The following KIF24 variants were observed in gnomAD, a reference collection of about 807,000 sequenced individuals.
KIF24 encodes the protein kinesin family member 24.
Under a neutral mutation model 118.9 loss-of-function variants are expected in KIF24, and 81 were observed. That is an observed-to-expected ratio of 0.68 (90% CI 0.57 to 0.82). KIF24 has a LOEUF of 0.82. Among genes scored for constraint, KIF24 ranks in the 40% least tolerant of loss-of-function variants. KIF24 has a pLI of 0.00. For synonymous variants in KIF24, 599 were observed against 610.0 expected (o/e 0.98, Z 0.27); for missense variants, 1,560 against 1,661.6 (o/e 0.94, Z 1.06).
chr9:34,311,728 G>GTA (rs147847212), intron 1 of KIF24, among the ~76,000 whole-genome samples: 32,703 of 142,804 alleles, frequency 0.23, 4,311 homozygotes, highest in East Asian at 0.61. Context: ...GTATATACAC[G>GTA]TATATATATA....
In KIF24 at chr9:34,286,643, C is replaced by T. The variant is rs1265151647; in HGVS notation, c.1189G>A (p.Val397Met). 3 of 1,612,928 alleles carry T rather than the reference C, an allele frequency of 1.9e-6. No individual in the cohort carries two copies. The highest frequency in any genetic ancestry group is 1.7e-5 in the Admixed American group (1 of 60,012). Reference sequence around the variant, plus strand: ...TCTAAGAGGAGCTCCACACTGTCCACCTGAAGCTCTTGCAGTCCCACTATC... The same window carrying T: ...TCTAAGAGGAGCTCCACACTGTCCATCTGAAGCTCTTGCAGTCCCACTATC... ...VQIVGLQELQ[V>M]DSVELLLEVI... is the part of the protein sequence containing the mutation. Residue 397 changes from valine to methionine, a missense_variant, in exon 6 of 13, where the codon GTG (valine) becomes ATG (methionine). Val to Met is a conservative substitution (Grantham distance 21). Coordinates refer to ENST00000402558, the MANE Select transcript of KIF24 (RefSeq NM_194313.4).
intron 6 of KIF24, among the ~76,000 whole-genome samples, chr9:34,278,440 G>A (rs1835733540): frequency 1.3e-5 from 2 of 151,820 alleles, no homozygotes; most frequent in Non-Finnish European, 2.9e-5. Flanking sequence ...AGATACTAAC[G>A]AACTAACATC....
rs988517476 is a variant in KIF24, at chr9:34,253,631, T to C, written c.*749A>G. ...GAGCTGCCATGGAAGCATGAGAGTATCGGGCATTGTACAGAGGCCTTTCAC... is the reference window on the plus strand; with the variant it reads ...GAGCTGCCATGGAAGCATGAGAGTACCGGGCATTGTACAGAGGCCTTTCAC... On this transcript the variant is annotated 3_prime_UTR_variant, in exon 13 of 13. Transcript: ENST00000402558. 6.6e-6 allele frequency: 1 copy of C among 152,138 alleles called. No homozygotes were observed. The highest frequency in any genetic ancestry group is 1.5e-5 in the Non-Finnish European group (1 of 68,122). The allele number at this position is 152,138 out of a possible 1,614,324, so 9.4% of individuals were successfully genotyped here.
rs776240476 is a variant in KIF24, at chr9:34,257,221, G to A, written c.2386C>T (p.Pro796Ser). The A allele has an allele frequency of 1.2e-6, 2 of 1,614,024 alleles. No homozygotes were observed. The highest frequency in any genetic ancestry group is 1.3e-5 in the African/African-American group (1 of 75,046). ...LKRSLRQYRP[P>S]EGQLTNETPP... ...GTCTCATTCGTGAGCTGACCCTCTG[G>A]GGGCCTGTACTGGCGTAAAGACCTT... The change falls in exon 11 of 13, where the codon CCA (proline) becomes TCA (serine). Residue 796 changes from proline (P) to serine (S), a missense_variant. Around this residue, in one of 3 missense-constraint regions of KIF24, gnomAD observed 964 missense variants for 988.0 expected, o/e 0.98. Coordinates refer to ENST00000402558, the MANE Select transcript of KIF24 (RefSeq NM_194313.4).
chr9:34,269,298 T>C lies in KIF24; in HGVS notation c.1402A>G (p.Thr468Ala), dbSNP rs775184594. Residue 468 changes from threonine to alanine, a missense_variant, in exon 8 of 13, where the codon ACA (threonine) becomes GCA (alanine). Physicochemically the swap from Thr to Ala is moderately conservative, Grantham distance 58. Around this residue, in one of 3 missense-constraint regions of KIF24, gnomAD observed 964 missense variants for 988.0 expected, o/e 0.98. Coordinates refer to ENST00000402558, the MANE Select transcript of KIF24 (RefSeq NM_194313.4). ...TTTATTTCTGCACCTTCCATCTTTG[T>C]CTGTCTATCTGAGTCCCTTGCATCT... ...AADARDSDRQ[T>A]KMEGAEINQS... The C allele has an allele frequency of 5.3e-5, 85 of 1,609,944 alleles. 3 individuals carry two copies. In the Middle Eastern group the frequency reaches 0.011, roughly 203 times the overall value.
At chr9:34,329,291 C>T (rs536261880), upstream of KIF24, among the ~76,000 whole-genome samples, 48 of 152,366 alleles carry the variant, frequency 3.2e-4, no homozygotes, top group African/African-American at 1.1e-3. Flanking sequence ...GCCCGCGCGT[C>T]GCCAGTCCCG....
chr9:34,277,579 G>C (rs1488996912), intron 6 of KIF24, among the ~76,000 whole-genome samples: 1 of 152,138 alleles, frequency 6.6e-6, no homozygotes, highest in East Asian at 1.9e-4. Flanking sequence ...TTTTGAACTT[G>C]GGTTTTCACT....
At chr9:34,322,340 A>T (rs896939629) in intron 1 of KIF24, among the ~76,000 whole-genome samples, 4 of 151,452 alleles carry the variant, frequency 2.6e-5, no homozygotes, top group African/African-American at 7.3e-5. Flanking sequence ...TTTCCCCCCA[A>T]CCCATCTAGC....
intron 3 of KIF24, among the ~76,000 whole-genome samples, chr9:34,305,605 A>G (rs971756497): frequency 2.0e-5 from 3 of 152,042 alleles, no homozygotes; most frequent in Admixed American, 6.6e-5. Flanking sequence ...TTTGTTTTTT[A>G]TTTTTATATT....
chr9:34,282,497 A>T (rs1027775564), intron 6 of KIF24: 5 of 148,568 alleles, frequency 3.4e-5, no homozygotes, highest in Non-Finnish European at 6.1e-5. Context: ...TGAATTGTAT[A>T]CTTAAAAAAA....
Position 34,252,678 on chromosome 9 carries a change from T to A in KIF24, c.*1702A>T, listed in dbSNP as rs1234011977. The A allele has an allele frequency of 6.6e-6, 1 of 152,222 alleles. No individual in the cohort carries two copies. The highest frequency in any genetic ancestry group is 6.5e-5 in the Admixed American group (1 of 15,274). 9.4% of individuals were successfully genotyped at this position (152,222 alleles called of 1,614,324 possible). A position where few individuals can be genotyped will look rare whatever the true frequency, so the allele number is the denominator to read the frequency against. ...GAGCTTTCTTCCCACTTCAGACCTG[T>A]CCTCGTTTTTGGTTTGCAAAGGCAA... is the stretch of plus-strand genomic sequence containing the variant. On this transcript the variant is annotated 3_prime_UTR_variant, in exon 13 of 13. Transcript: ENST00000402558.
Position 34,255,955 on chromosome 9 carries a change from G to T in KIF24, c.3652C>A (p.Gln1218Lys). The T allele has an allele frequency of 1.9e-6, 3 of 1,613,950 alleles. No homozygotes were observed. The highest frequency in any genetic ancestry group is 2.5e-6 in the Non-Finnish European group (3 of 1,179,862). Residue 1218 changes from glutamine (Q) to lysine (K), a missense_variant, in exon 11 of 13, where the codon CAG becomes AAG. Gln to Lys is a moderately conservative substitution (Grantham distance 53). This residue lies in a region of KIF24 where 591 missense variants were observed against 655.6 expected (regional missense o/e 0.90). Coordinates refer to ENST00000402558, the MANE Select transcript of KIF24 (RefSeq NM_194313.4). Reference sequence around the variant, plus strand: ...TGTTTTCTCTCCTGGGCCCAGAGCTGGTCAGCCACATCACTACTTCCTGTT... The same window carrying T: ...TGTTTTCTCTCCTGGGCCCAGAGCTTGTCAGCCACATCACTACTTCCTGTT... ...PRTGSSDVAD[Q>K]LWAQERKHPT...
At chr9:34,292,165 A>T (rs1342781502) in intron 4 of KIF24, among the ~76,000 whole-genome samples, 5 of 152,236 alleles carry the variant, frequency 3.3e-5, no homozygotes, top group African/African-American at 1.2e-4. Context: ...TATCTAATGT[A>T]AAATGCAGTT....
intron 1 of KIF24, chr9:34,319,440 C>T (rs1270408941): frequency 8.9e-7 from 1 of 1,125,246 alleles, no homozygotes; most frequent in Non-Finnish European, 1.4e-6. Flanking sequence ...GGACCTGTAC[C>T]TGACCAGCGT....
intron 11 of KIF24, 58 bp from the exon 12 acceptor site, chr9:34,255,223 G>T: frequency 9.3e-7 from 1 of 1,074,166 alleles, no homozygotes; most frequent in Non-Finnish European, 1.4e-6. Flanking sequence ...CTCCTGGGTA[G>T]CTTTCTGGAG....
intron 8 of KIF24, among the ~76,000 whole-genome samples, chr9:34,268,246 C>T (rs1228052446): frequency 1.3e-5 from 2 of 152,082 alleles, no homozygotes; most frequent in African/African-American, 4.8e-5. Context: ...TCACTGCAAC[C>T]TCCACCTCCT....
chr9:34,295,685 T>A (rs1400889735), intron 4 of KIF24, among the ~76,000 whole-genome samples: 1 of 151,418 alleles, frequency 6.6e-6, no homozygotes, highest in Non-Finnish European at 1.5e-5. Flanking sequence ...CTCAAAAATA[T>A]AAAATAAAAT....
At chr9:34,260,823 TAGTG>T (rs1352338494) in intron 9 of KIF24, among the ~76,000 whole-genome samples, 1 of 151,824 alleles carries the variant, frequency 6.6e-6, no homozygotes, top group Non-Finnish European at 1.5e-5. Context: ...ATACAAAAGT[TAGTG>T]AGGCATGGTG....
chr9:34,265,280 C>CA (rs1311278571), intron 8 of KIF24, among the ~76,000 whole-genome samples: 2 of 152,174 alleles, frequency 1.3e-5, no homozygotes, highest in East Asian at 3.9e-4. Flanking sequence ...GTGATCCTCT[C>CA]ACCTCAGCCT....
Sources: gnomAD v4.1 joint callset for allele counts (sites outside exome capture counted in the v4.1 genomes callset) on GRCh38, gnomAD v4.1.1 for gene constraint, gnomAD v4.1.1 regional missense constraint, MANE v1.5 for transcripts, NCBI Gene and HGNC (gene_info 2026-07-23, HGNC 2026-07-21) for gene names.